Variants in PCDHA1 observed in about 807,000 individuals in gnomAD.
The protein encoded by PCDHA1 is protocadherin alpha-1.
PCDHA1 carries 42 observed loss-of-function variants against 61.3 expected under a neutral mutation model. The ratio of observed to expected loss-of-function variants is 0.69; its 90% confidence interval spans 0.54 to 0.89. The LOEUF is 0.89. Among genes scored for constraint, PCDHA1 ranks in the 40% least tolerant of loss-of-function variants. The pLI is 0.00. For missense variants in PCDHA1, 1,256 were observed against 1,235.3 expected, an observed-to-expected ratio of 1.02 and a Z score of -0.25; for synonymous variants, 610 against 553.8, an observed-to-expected ratio of 1.10 and a Z score of -1.43.
rs2150527140 is a variant in PCDHA1 at position 140,853,018 on chromosome 5, A to G, written c.2394+64334A>G. 8 of 268,768 alleles carry G rather than the reference A, an allele frequency of 3.0e-5. No homozygotes were observed. In the East Asian group the frequency reaches 8.8e-4, roughly 30 times the overall value. 16.6% of individuals were successfully genotyped at this position (268,768 alleles called of 1,614,324 possible). A position where few individuals can be genotyped will look rare whatever the true frequency, so the allele number is the denominator to read the frequency against. ...CTCAGCCTCCCGAGTAGCTGGGACT[A>G]CAGGCGCCTGCCACCATGCCCGCCT... On this transcript the variant is annotated intron_variant, in intron 1 of 3. Coordinates refer to ENST00000504120, the MANE Select transcript of PCDHA1 (RefSeq NM_018900.4).
chr5:140,977,712 T>C (rs2153814265), intron 1 of PCDHA1, among the ~76,000 whole-genome samples: 1 of 152,306 alleles, frequency 6.6e-6, no homozygotes, highest in South Asian at 2.1e-4. Context: ...AATATTGAGA[T>C]GGTGATCATT....
intron 1 of PCDHA1, among the ~76,000 whole-genome samples, chr5:140,908,703 C>T (rs751488038): frequency 5.9e-5 from 9 of 152,318 alleles, no homozygotes; most frequent in Non-Finnish European, 1.3e-4. Flanking sequence ...ACCTCAAGCA[C>T]CATTGGATCT....
chr5:140,877,888 C>T (rs1554170207), intron 1 of PCDHA1: 3 of 1,458,570 alleles, frequency 2.1e-6, no homozygotes, highest in South Asian at 1.5e-5. Flanking sequence ...GAAGAACTTC[C>T]GTTTAGGTTA....
intron 1 of PCDHA1, among the ~76,000 whole-genome samples, chr5:140,930,604 G>C (rs2086982661): frequency 6.6e-6 from 1 of 152,108 alleles, no homozygotes; most frequent in South Asian, 2.1e-4. Flanking sequence ...AGAAATCCTA[G>C]ATGCAAGAGA....
chr5:140,862,165 T>C (rs1003648198), intron 1 of PCDHA1: 39 of 164,612 alleles, frequency 2.4e-4, no homozygotes, highest in Non-Finnish European at 2.3e-4. Context: ...AAGATTCAAA[T>C]ACAGGCAGTT....
intron 1 of PCDHA1, chr5:140,850,199 T>C (rs2041415028): frequency 1.9e-6 from 3 of 1,592,798 alleles, no homozygotes; most frequent in Admixed American, 1.7e-5. Context: ...TGCTGACACC[T>C]CGGATGAGGG....
chr5:140,816,063 T>C (rs1396347202), intron 1 of PCDHA1: 1 of 152,226 alleles, frequency 6.6e-6, no homozygotes, highest in African/African-American at 2.4e-5. Context: ...TGGGAAGTTT[T>C]CAGATGTAAT....
intron 1 of PCDHA1, chr5:140,805,340 T>G (rs1435472506): frequency 8.2e-7 from 1 of 1,225,896 alleles, no homozygotes; most frequent in Non-Finnish European, 1.0e-6. Flanking sequence ...TCAATGATCA[T>G]TTTGTAAAAA....
chr5:140,993,462 TCACACA>T (rs3836747), intron 3 of PCDHA1, among the ~76,000 whole-genome samples: 28,176 of 140,902 alleles, frequency 0.2, 2,920 homozygotes, highest in East Asian at 0.31. Flanking sequence ...TCTTTCTTTC[TCACACA>T]CACACACACA....
chr5:140,848,301 G>A (rs2150408358), intron 1 of PCDHA1: 1 of 676,876 alleles, frequency 1.5e-6, no homozygotes, highest in Non-Finnish European at 2.5e-6. Flanking sequence ...GCCACGTGAT[G>A]TCACTCTTTG....
intron 1 of PCDHA1, chr5:140,802,004 G>A: frequency 6.2e-7 from 1 of 1,614,202 alleles, no homozygotes; most frequent in Admixed American, 1.7e-5. Context: ...CCACCGATTT[G>A]GATGAAGGAG....
At chr5:140,926,942 C>CT in intron 1 of PCDHA1, 1 of 1,585,854 alleles carries the variant, frequency 6.3e-7, no homozygotes, top group Non-Finnish European at 8.6e-7. Flanking sequence ...TCCTGCGGCG[C>CT]TGCAGCGGGA....
rs146702581 is a variant in PCDHA1 at position 140,929,720 on chromosome 5, C to T, written c.2395-49229C>T. ...TATGAATATAATATGGAAGGTGAAA[C>T]ATTTACTTAAACTATTGCAATGCAT... On this transcript the variant is annotated intron_variant, in intron 1 of 3. Coordinates refer to ENST00000504120, the MANE Select transcript of PCDHA1 (RefSeq NM_018900.4). The T allele has an allele frequency of 2.8e-3, 635 of 224,158 alleles. 4 individuals are homozygous for T. The highest frequency in any genetic ancestry group is 6.2e-3 in the African/African-American group (270 of 43,802). 13.9% of individuals were successfully genotyped at this position (224,158 alleles called of 1,614,324 possible).
rs1410749006 is a variant in PCDHA1, at chr5:140,810,474, C to CCTTATG, written c.2394+21791_2394+21792insTTATGC. On this transcript the variant is annotated intron_variant, in intron 1 of 3. Transcript: ENST00000504120. ...GTAGTGCATAAGGCTTTCTGCTGGG[C>CCTTATG]CACATCATCTCTACATTTGTCAGGT... 1.8e-4 allele frequency: 27 copies of CCTTATG among 152,302 alleles called. No homozygotes were observed. The East Asian group carries it at 4.6e-3, about 26-fold the overall frequency. The allele number at this position is 152,302 out of a possible 1,614,324, so 9.4% of individuals were successfully genotyped here.
At position 140,834,666 on chromosome 5, in the gene PCDHA1, C is replaced by G. The variant is rs2150223813; in HGVS notation, c.2394+45982C>G. The G allele has an allele frequency of 1.1e-5, 17 of 1,614,250 alleles. No individual in the cohort carries two copies. In the East Asian group the frequency reaches 3.8e-4, roughly 36 times the overall value. On this transcript the variant is annotated intron_variant, in intron 1 of 3. Transcript: ENST00000504120. Reference sequence around the variant, plus strand: ...GAATTCTCGGATCGACCGCGAGGAGCTGTGCGGGCGGAGCGCGGAGTGCAG... The same window carrying G: ...GAATTCTCGGATCGACCGCGAGGAGGTGTGCGGGCGGAGCGCGGAGTGCAG...
chr5:140,809,005 G>A, intron 1 of PCDHA1: 1 of 1,613,694 alleles, frequency 6.2e-7, no homozygotes, highest in Non-Finnish European at 8.5e-7. Flanking sequence ...ACAACGCGTG[G>A]CTTTCGTACG....
chr5:140,807,829 C>T (rs144103385), intron 1 of PCDHA1: 26 of 1,614,004 alleles, frequency 1.6e-5, no homozygotes, highest in Middle Eastern at 1.6e-4. Flanking sequence ...TGCTCACAGC[C>T]ACTGATGGAG....
rs377697994 is a variant in PCDHA1, at chr5:140,808,073, G to A, written c.2394+19389G>A. ...AAATGTGAAATCCAAGTTTCACATA[G>A]ATCCAATTACTGGACAAATTATTGT... On this transcript the variant is annotated intron_variant, in intron 1 of 3. Coordinates refer to ENST00000504120, the MANE Select transcript of PCDHA1 (RefSeq NM_018900.4). The A allele has an allele frequency of 5.0e-6, 8 of 1,613,782 alleles. No individual in the cohort carries two copies. The African/African-American group carries it at 1.1e-4, about 22-fold the overall frequency.
At chr5:140,807,966 T>C (rs782778842) in intron 1 of PCDHA1, 1 of 1,613,986 alleles carries the variant, frequency 6.2e-7, no homozygotes, top group South Asian at 1.1e-5. Flanking sequence ...AATGGAACAT[T>C]GGTAATTAAA....
Sources: allele counts gnomAD v4.1 joint callset (sites outside exome capture counted in the v4.1 genomes callset), GRCh38; gene constraint gnomAD v4.1.1; transcripts MANE v1.5; gene names NCBI Gene and HGNC (gene_info 2026-07-23, HGNC 2026-07-21).